Variants in ANGPT1 observed in about 807,000 individuals in gnomAD.
ANGPT1 encodes the protein angiopoietin 1.
A neutral mutation model predicts 62.2 loss-of-function variants in ANGPT1; 17 were observed. The observed-to-expected ratio is 0.27, with a 90% confidence interval of 0.19 to 0.41. The LOEUF is 0.41. Among genes scored for constraint, ANGPT1 ranks in the 10% least tolerant of loss-of-function variants. ANGPT1 has a pLI of 1.00. For synonymous variants in ANGPT1, 199 were observed against 198.9 expected (o/e 1.00, Z 0.00); for missense variants, 478 against 594.9 (o/e 0.80, Z 2.04).
At chr8:107,440,269 C>T (rs1382972604) in intron 1 of ANGPT1, among the ~76,000 whole-genome samples, 2 of 152,156 alleles carry the variant, frequency 1.3e-5, no homozygotes, top group Non-Finnish European at 2.9e-5. Flanking sequence ...AAAACATTCA[C>T]TATTTTAATT....
At chr8:107,350,741 A>G (rs1815914892) in intron 1 of ANGPT1, among the ~76,000 whole-genome samples, 1 of 152,222 alleles carries the variant, frequency 6.6e-6, no homozygotes, top group East Asian at 1.9e-4. Context: ...CTCCAGGAGT[A>G]ACTGCCTTTT....
intron 7 of ANGPT1, among the ~76,000 whole-genome samples, chr8:107,266,308 T>C (rs1240822925): frequency 6.6e-6 from 1 of 152,162 alleles, no homozygotes; most frequent in Non-Finnish European, 1.5e-5. Flanking sequence ...ATCACTTCTT[T>C]GGAGGTCCTC....
chr8:107,359,154 A>T (rs1363063250), intron 1 of ANGPT1, among the ~76,000 whole-genome samples: 1 of 152,138 alleles, frequency 6.6e-6, no homozygotes, highest in South Asian at 2.1e-4. Flanking sequence ...ACTGAGTTAG[A>T]CTTAGTAATT....
chr8:107,375,072 T>G (rs1022233614), intron 1 of ANGPT1, among the ~76,000 whole-genome samples: 5 of 151,806 alleles, frequency 3.3e-5, no homozygotes, highest in African/African-American at 9.7e-5. Flanking sequence ...AGGCAGGAGA[T>G]TCGCTTGAAC....
In ANGPT1 at chr8:107,358,499, C is replaced by A. The variant is rs187492199; in HGVS notation, c.298-11402G>T. On this transcript the variant is annotated intron_variant, in intron 1 of 8. Transcript: ENST00000517746. ...TCCCAAGTGCTATTGGATGAGAGACCAAATTAGCATTACAATGAACTGGCT... is the reference window on the plus strand; with the variant it reads ...TCCCAAGTGCTATTGGATGAGAGACAAAATTAGCATTACAATGAACTGGCT... Among the ~76,000 whole-genome samples the A allele has an allele frequency of 1.4e-3, 214 of 152,158 alleles. 2 individuals are homozygous for A. Among genetic ancestry groups the A allele is most frequent in the African/African-American group, 4.0e-3 (167 of 41,516 alleles).
At chr8:107,450,348 G>A (rs1811736318) in intron 1 of ANGPT1, among the ~76,000 whole-genome samples, 1 of 151,986 alleles carries the variant, frequency 6.6e-6, no homozygotes, top group Non-Finnish European at 1.5e-5. Context: ...TAGAGTTAAG[G>A]ATTACTTGCT....
intron 7 of ANGPT1, among the ~76,000 whole-genome samples, chr8:107,282,165 C>T (rs567332601): frequency 6.6e-6 from 1 of 151,922 alleles, no homozygotes; most frequent in South Asian, 2.1e-4. Context: ...GAATCTTTCA[C>T]CAGAGTAAGC....
At chr8:107,450,569 C>T (rs1432066630) in intron 1 of ANGPT1, among the ~76,000 whole-genome samples, 1 of 151,844 alleles carries the variant, frequency 6.6e-6, no homozygotes, top group African/African-American at 2.4e-5. Context: ...TTGCCAAGAG[C>T]ATTCAGAAAG....
Position 107,466,887 on chromosome 8 carries a change from G to A in ANGPT1, c.297+30375C>T, listed in dbSNP as rs567739396. 1.3e-3 allele frequency among the ~76,000 whole-genome samples: 203 copies of A among 152,032 alleles called. 1 individual carries two copies. The highest frequency in any genetic ancestry group is 2.1e-3 in the Non-Finnish European group (145 of 67,982). On this transcript the variant is annotated intron_variant, in intron 1 of 8. Transcript: ENST00000517746. ...CAACTATGCCATTGCACTCCAGCCT[G>A]GGCAACAAGCTCCATCTCAAAAAAA...
intron 1 of ANGPT1, among the ~76,000 whole-genome samples, chr8:107,417,037 C>G (rs1810769823): frequency 6.6e-6 from 1 of 152,054 alleles, no homozygotes; most frequent in African/African-American, 2.4e-5. Context: ...GATCCGCCCA[C>G]CTCAACCTCC....
At chr8:107,432,860 C>T (rs1348259588) in intron 1 of ANGPT1, among the ~76,000 whole-genome samples, 2 of 152,116 alleles carry the variant, frequency 1.3e-5, no homozygotes, top group African/African-American at 4.8e-5. Flanking sequence ...ATTGTCCTGT[C>T]TCACTATCTG....
intron 1 of ANGPT1, among the ~76,000 whole-genome samples, chr8:107,452,756 C>T (rs1011505525): frequency 6.6e-6 from 1 of 151,862 alleles, no homozygotes; most frequent in Non-Finnish European, 1.5e-5. Context: ...TTCTCATATC[C>T]AAAGTGGAGA....
intron 7 of ANGPT1, among the ~76,000 whole-genome samples, chr8:107,271,773 T>A (rs1437951958): frequency 6.6e-6 from 1 of 152,014 alleles, no homozygotes; most frequent in African/African-American, 2.4e-5. Context: ...TTAAAATGTT[T>A]ATCTTTTAAT....
At chr8:107,297,687 T>C (rs1379655447) in intron 5 of ANGPT1, among the ~76,000 whole-genome samples, 2 of 150,456 alleles carry the variant, frequency 1.3e-5, no homozygotes, top group Non-Finnish European at 3.0e-5. Context: ...TTCTAGGCTC[T>C]AGTTATTATA....
At chr8:107,299,951 CTGTATATA>C in intron 5 of ANGPT1, among the ~76,000 whole-genome samples, 1 of 132,120 alleles carries the variant, frequency 7.6e-6, no homozygotes, top group African/African-American at 2.9e-5. Context: ...TCTAGATATA[CTGTATATA>C]TACTATATAC....
intron 7 of ANGPT1, among the ~76,000 whole-genome samples, chr8:107,267,654 A>C (rs1813645255): frequency 6.6e-6 from 1 of 152,030 alleles, no homozygotes; most frequent in African/African-American, 2.4e-5. Flanking sequence ...CATGCATCTC[A>C]TCATTCCTCT....
Position 107,482,339 on chromosome 8 carries a change from A to G in ANGPT1, c.297+14923T>C, listed in dbSNP as rs142466672. ...CTGAACCTTTTCCGAATCTAGAGAT[A>G]GTGCAATGGGTGGGGACCAGAAAGC... On this transcript the variant is annotated intron_variant, in intron 1 of 8. Transcript: ENST00000517746. 4.7e-3 allele frequency among the ~76,000 whole-genome samples: 714 copies of G among 152,284 alleles called. 5 individuals carry two copies. The highest frequency in any genetic ancestry group is 0.02 in the Middle Eastern group (6 of 294).
chr8:107,413,838 T>G (rs907010836), intron 1 of ANGPT1, among the ~76,000 whole-genome samples: 1 of 152,074 alleles, frequency 6.6e-6, no homozygotes. Flanking sequence ...ATTTGTAATA[T>G]GATGGCAGGG....
intron 1 of ANGPT1, among the ~76,000 whole-genome samples, chr8:107,394,467 G>T (rs181599577): frequency 2.0e-5 from 3 of 152,214 alleles, no homozygotes; most frequent in Admixed American, 6.5e-5. Flanking sequence ...AGCCCTGATG[G>T]TACCTACAGA....
Sources: allele counts gnomAD v4.1 joint callset (sites outside exome capture counted in the v4.1 genomes callset), GRCh38; gene constraint gnomAD v4.1.1; transcripts MANE v1.5; gene names NCBI Gene and HGNC (gene_info 2026-07-23, HGNC 2026-07-21).